Variants in ROBO1 observed in about 807,000 individuals in gnomAD.
The protein encoded by ROBO1 is roundabout guidance receptor 1.
In ROBO1, 149 loss-of-function variants were observed where a neutral mutation model predicts 195.9. The ratio of observed to expected loss-of-function variants is 0.76; its 90% CI spans 0.67 to 0.87. The LOEUF is 0.87. Ranked by LOEUF, ROBO1 falls within the 40% of genes least tolerant of loss-of-function variation. The pLI is 0.00. For synonymous variants in ROBO1, 816 were observed against 733.2 expected (o/e 1.11, Z -1.82); for missense variants, 1,933 against 2,068.3 (o/e 0.93, Z 1.27).
intron 3 of ROBO1, among the ~76,000 whole-genome samples, chr3:79,063,966 G>A (rs891696913): frequency 4.0e-5 from 6 of 151,794 alleles, no homozygotes; most frequent in African/African-American, 1.2e-4. Context: ...GATGGAGAGA[G>A]GTAGTGAACA....
chr3:79,475,084 T>G (rs1938480934), intron 2 of ROBO1, among the ~76,000 whole-genome samples: 2 of 151,914 alleles, frequency 1.3e-5, no homozygotes. Flanking sequence ...TTTTCAGTAA[T>G]AGTCATAAAA....
Position 79,575,852 on chromosome 3 carries a change from C to A in ROBO1, c.88+13972G>T, listed in dbSNP as rs181665900. On this transcript the variant is annotated intron_variant, in intron 2 of 30. Transcript: ENST00000464233. ...AATATATCACAGTGTTTACAACAAG[C>A]ATTCACAATTGTCATATGTTTCCCT... Among the ~76,000 whole-genome samples the A allele has an allele frequency of 3.6e-3, 554 of 151,848 alleles. 2 individuals carry two copies. Among genetic ancestry groups the A allele is most frequent in the African/African-American group, 0.011 (471 of 41,502 alleles).
intron 26 of ROBO1, among the ~76,000 whole-genome samples, chr3:78,627,028 A>G (rs922560509): frequency 6.6e-5 from 10 of 152,218 alleles, no homozygotes; most frequent in Non-Finnish European, 1.5e-4. Flanking sequence ...AATATGATAC[A>G]GAGTTAGCAA....
Position 78,606,870 on chromosome 3 carries a change from T to A in ROBO1, c.4607A>T (p.Asp1536Val), listed in dbSNP as rs1328866450. The A allele has an allele frequency of 1.5e-5, 24 of 1,613,808 alleles. No homozygotes were observed. Among genetic ancestry groups the A allele is most frequent in the Non-Finnish European group, 1.9e-5 (23 of 1,179,898 alleles). The change falls in exon 29 of 31, where the codon GAT becomes GTT. Residue 1536 changes from aspartate to valine, a missense_variant. By Grantham distance (152) the Asp-to-Val change is radical. Transcript: ENST00000464233. Reference sequence around the variant, plus strand: ...TCGCATGTCAACAACCTGTCTTCCATCCAACACTTCTCTCCCCTTGTAACT... The same window carrying A: ...TCGCATGTCAACAACCTGTCTTCCAACCAACACTTCTCTCCCCTTGTAACT... The part of the protein sequence containing the change: ...GSSYKGREVL[D>V]GRQVVDMRTN...
chr3:79,677,693 A>T (rs1193002999), intron 1 of ROBO1, among the ~76,000 whole-genome samples: 2 of 152,114 alleles, frequency 1.3e-5, no homozygotes, highest in African/African-American at 4.8e-5. Context: ...TGGCCTGTAG[A>T]GGCCAAAGGT....
In ROBO1 at chr3:79,518,018, G is replaced by A. The variant is rs73851207; in HGVS notation, c.88+71806C>T. On this transcript the variant is annotated intron_variant, in intron 2 of 30. Transcript: ENST00000464233. ...GAGAGCCATCTGGTGGTAAGAGAGCGGAAGGAATGTGTGAAGAATCCTGGA... is the reference window on the plus strand; with the variant it reads ...GAGAGCCATCTGGTGGTAAGAGAGCAGAAGGAATGTGTGAAGAATCCTGGA... 6.4e-3 allele frequency among the ~76,000 whole-genome samples: 979 copies of A among 152,260 alleles called. 10 individuals carry two copies. The highest frequency in any genetic ancestry group is 0.023 in the African/African-American group (937 of 41,536).
chr3:78,885,548 G>T (rs1475232271), intron 4 of ROBO1, among the ~76,000 whole-genome samples: 1 of 147,998 alleles, frequency 6.8e-6, no homozygotes, highest in Admixed American at 6.8e-5. Flanking sequence ...TATTGGTAAA[G>T]TAATAACAAT....
intron 1 of ROBO1, among the ~76,000 whole-genome samples, chr3:79,616,587 T>C (rs1944827806): frequency 6.6e-6 from 1 of 152,042 alleles, no homozygotes; most frequent in African/African-American, 2.4e-5. Context: ...GGTGACTGTG[T>C]GCTTCCATTC....
chr3:79,144,844 A>G lies in ROBO1; in HGVS notation c.89-19305T>C, dbSNP rs1389088647. On this transcript the variant is annotated intron_variant, in intron 2 of 30. Coordinates refer to ENST00000464233, the MANE Select transcript of ROBO1 (RefSeq NM_002941.4). Reference sequence around the variant, plus strand: ...TCAGACGGAAATCTGTTACGTTGCCACTGTGAATAGCAATGTATCTTGTTA... The same window carrying G: ...TCAGACGGAAATCTGTTACGTTGCCGCTGTGAATAGCAATGTATCTTGTTA... Among the ~76,000 whole-genome samples, 3 of 152,122 alleles carry G rather than the reference A, an allele frequency of 2.0e-5. No individual in the cohort carries two copies. The East Asian group carries it at 5.8e-4, about 29-fold the overall frequency.
chr3:78,611,988 TG>T (rs1703843062), intron 28 of ROBO1, among the ~76,000 whole-genome samples: 1 of 152,174 alleles, frequency 6.6e-6, no homozygotes, highest in Non-Finnish European at 1.5e-5. Context: ...TGAAGCCACC[TG>T]GTCTATGGTA....
chr3:79,603,510 A>G (rs1944398550), intron 1 of ROBO1, among the ~76,000 whole-genome samples: 1 of 151,946 alleles, frequency 6.6e-6, no homozygotes, highest in Admixed American at 6.6e-5. Flanking sequence ...TAATCACTTG[A>G]GATCAACTGC....
At chr3:79,272,847 C>T (rs919549110) in intron 2 of ROBO1, among the ~76,000 whole-genome samples, 1 of 151,896 alleles carries the variant, frequency 6.6e-6, no homozygotes, top group Non-Finnish European at 1.5e-5. Flanking sequence ...AATAAAGAAT[C>T]CTGAAAGCAA....
chr3:79,369,376 A>G (rs909080250), intron 2 of ROBO1, among the ~76,000 whole-genome samples: 1 of 152,224 alleles, frequency 6.6e-6, no homozygotes, highest in Admixed American at 6.5e-5. Context: ...TTACACAAGC[A>G]ACTTCCTTTA....
chr3:78,753,516 C>T (rs964857868), intron 4 of ROBO1, among the ~76,000 whole-genome samples: 6 of 152,050 alleles, frequency 3.9e-5, no homozygotes, highest in African/African-American at 1.4e-4. Context: ...CAGTAAGGAT[C>T]AATTTTTTTT....
intron 2 of ROBO1, among the ~76,000 whole-genome samples, chr3:79,474,142 T>C (rs1575876739): frequency 6.6e-6 from 1 of 152,172 alleles, no homozygotes; most frequent in South Asian, 2.1e-4. Flanking sequence ...GATGACCTCA[T>C]GCTCTTTCAA....
rs2081497126 is a variant in ROBO1, at chr3:79,189,293, T to A, written c.89-63754A>T. ...TTAAAATATTAATAAGAGGAATTTA[T>A]TAAATACATAAAATAATTTAGAATA... On this transcript the variant is annotated intron_variant, in intron 2 of 30. Transcript: ENST00000464233. Among the ~76,000 whole-genome samples, 4 of 151,950 alleles carry A rather than the reference T, an allele frequency of 2.6e-5. No individual in the cohort carries two copies. The South Asian group carries it at 8.3e-4, about 31-fold the overall frequency.
intron 1 of ROBO1, among the ~76,000 whole-genome samples, chr3:79,704,506 C>T (rs1270619238): frequency 6.6e-6 from 1 of 151,912 alleles, no homozygotes; most frequent in Non-Finnish European, 1.5e-5. Context: ...CATGTCTTTT[C>T]CTGACTTGGT....
intron 3 of ROBO1, among the ~76,000 whole-genome samples, chr3:78,956,417 T>C (rs1397758213): frequency 6.6e-6 from 1 of 152,160 alleles, no homozygotes; most frequent in East Asian, 1.9e-4. Flanking sequence ...ATCTATTACT[T>C]AAACTATCTT....
At chr3:79,332,392 TAAA>T (rs1440989290) in intron 2 of ROBO1, among the ~76,000 whole-genome samples, 1 of 152,096 alleles carries the variant, frequency 6.6e-6, no homozygotes, top group African/African-American at 2.4e-5. Flanking sequence ...ATCACAAACA[TAAA>T]AATTCTAGGA....
Sources: allele counts gnomAD v4.1 joint callset (sites outside exome capture counted in the v4.1 genomes callset), GRCh38; gene constraint gnomAD v4.1.1; transcripts MANE v1.5; gene names NCBI Gene and HGNC (gene_info 2026-07-23, HGNC 2026-07-21).